The following POLR3A variants were observed in gnomAD, a reference collection of about 807,000 sequenced individuals.
The protein encoded by POLR3A is RNA polymerase III subunit A.
In POLR3A, 112 loss-of-function variants were observed where a neutral mutation model predicts 152.8. That is an observed-to-expected ratio of 0.73 (90% CI 0.63 to 0.86). The LOEUF (loss-of-function observed/expected upper bound fraction) is 0.86, where lower values mean the gene tolerates loss of function less well. POLR3A is among the 40% of genes least tolerant of loss of function. The pLI, the probability that POLR3A is intolerant of heterozygous loss-of-function variation, is 0.00. For synonymous variants in POLR3A, 615 were observed against 652.1 expected (o/e 0.94, Z 0.87); for missense variants, 1,385 against 1,743.1 (o/e 0.79, Z 3.66).
In POLR3A at chr10:78,017,616, G is replaced by A. The variant is rs771732436; in HGVS notation, c.1390C>T (p.Arg464Trp). The A allele has an allele frequency of 2.5e-6, 4 of 1,613,926 alleles. No homozygotes were observed. Among genetic ancestry groups the A allele is most frequent in the Admixed American group, 1.7e-5 (1 of 59,994 alleles). The change falls in exon 10 of 31, where the codon CGG (arginine) becomes TGG (tryptophan). Residue 464 changes from arginine (R) to tryptophan (W), a missense_variant. By Grantham distance (101) the Arg-to-Trp change is moderately radical (BLOSUM62 -3). Around this residue, in one of 7 missense-constraint regions of POLR3A, gnomAD observed 493 missense variants for 647.5 expected, o/e 0.76. Coordinates refer to ENST00000372371, the MANE Select transcript of POLR3A (RefSeq NM_007055.4). ...LIDGDVVLFN[R>W]QPSLHKLSIM... ...CTCAATTTGTGCAGCGAGGGCTGCC[G>A]ATTGAACAGCACCACATCTCCATCG... is the stretch of plus-strand genomic sequence containing the variant.
At chr10:77,979,758 C>T (rs765207647) in intron 30 of POLR3A, among the ~76,000 whole-genome samples, 2 of 152,214 alleles carry the variant, frequency 1.3e-5, no homozygotes, top group Admixed American at 6.5e-5. Context: ...CAGTAGGACA[C>T]TCTGCTCTGC....
intron 19 of POLR3A, among the ~76,000 whole-genome samples, chr10:77,997,576 T>C (rs1346791882): frequency 6.6e-6 from 1 of 151,940 alleles, no homozygotes; most frequent in African/African-American, 2.4e-5. Context: ...GAGAATAAAA[T>C]ACCTAGGAAT....
At chr10:78,022,529 G>T in intron 5 of POLR3A, 145 bp from the exon 6 acceptor site, 3 of 836,742 alleles carry the variant, frequency 3.6e-6, no homozygotes, top group Non-Finnish European at 3.8e-6. Flanking sequence ...ACGCTATGCT[G>T]CAAGAGCCTT....
chr10:77,997,710 G>A (rs1320356460), intron 19 of POLR3A, among the ~76,000 whole-genome samples: 2 of 151,986 alleles, frequency 1.3e-5, no homozygotes, highest in East Asian at 1.9e-4. Context: ...AATCAATATC[G>A]TGAAAATGGC....
At chr10:78,025,580 C>T in intron 3 of POLR3A, 42 bp downstream of exon 3, 1 of 1,610,114 alleles carries the variant, frequency 6.2e-7, no homozygotes, top group East Asian at 2.2e-5. Context: ...TGACCAATCA[C>T]TCCAGAATTT....
In POLR3A at chr10:78,025,608, A is replaced by G. The variant is rs753684410; in HGVS notation, c.318+14T>C. 8.1e-6 allele frequency: 13 copies of G among 1,613,890 alleles called. No individual in the cohort carries two copies. Among genetic ancestry groups the G allele is most frequent in the Non-Finnish European group, 1.1e-5 (13 of 1,179,804 alleles). On this transcript the variant is annotated intron_variant, in intron 3 of 30. Coordinates refer to ENST00000372371, the MANE Select transcript of POLR3A (RefSeq NM_007055.4). ...CAGAATTTATGTCTTGGAAATCAGC[A>G]CCTGTGTGCTTACCTGTAAGATGCC...
chr10:78,025,080 G>A lies in POLR3A; in HGVS notation c.381C>T (p.Asp127=), dbSNP rs1451789614. 1.2e-6 allele frequency: 2 copies of A among 1,614,148 alleles called. No individual in the cohort carries two copies. Among genetic ancestry groups the A allele is most frequent in the Non-Finnish European group, 8.5e-7 (1 of 1,179,988 alleles). Residue 127 remains aspartate, a synonymous_variant, in exon 4 of 31, where the codon GAC becomes GAT. Transcript: ENST00000372371. ...LSQEEKKQFL[D]YLKRPGLTYL... ...AGGTCAGGCCGGGCCTCTTTAGATA[G>A]TCCAGAAACTGCTTCTTCTCCTCTT... is the stretch of plus-strand genomic sequence containing the variant.
rs1486185588 is a variant in POLR3A at position 78,025,708 on chromosome 10, C to T, written c.232G>A (p.Asp78Asn). Residue 78 changes from aspartate (D) to asparagine (N), a missense_variant, in exon 3 of 31, where the codon GAC becomes AAC. Physicochemically the swap from Asp to Asn is conservative, Grantham distance 23. This residue lies in a region of POLR3A where 493 missense variants were observed against 647.5 expected (regional missense o/e 0.76). Coordinates refer to ENST00000372371, the MANE Select transcript of POLR3A (RefSeq NM_007055.4). ...PCETCGKNLADCLGHYGYIDL... is the reference protein window; with the variant it reads ...PCETCGKNLANCLGHYGYIDL... ...ATATACCCATAGTGGCCTAGACAGT[C>T]AGCCAAGTTTTTCCCACAGGTTTCA... is the stretch of plus-strand genomic sequence containing the variant. 2 of 1,614,058 alleles carry T rather than the reference C, an allele frequency of 1.2e-6. No homozygotes were observed. Among genetic ancestry groups the T allele is most frequent in the Admixed American group, 3.3e-5 (2 of 60,020 alleles).
At chr10:78,019,506 T>A (rs955075734) in intron 8 of POLR3A, 1 of 556,486 alleles carries the variant, frequency 1.8e-6, no homozygotes, top group African/African-American at 1.9e-5. Context: ...ATTCCTTTCC[T>A]GGTGCTTGGT....
chr10:78,022,277 A>T lies in POLR3A; in HGVS notation c.753T>A (p.Ile251=). Residue 251 remains isoleucine, a synonymous_variant, in exon 6 of 31, where the codon ATT becomes ATA. Coordinates refer to ENST00000372371, the MANE Select transcript of POLR3A (RefSeq NM_007055.4). The part of the protein sequence containing the change: ...NPEAGKPSDL[I]LTRLLVPPLC... ...AAGGAGGCACCAAAAGTCGTGTGAGAATCAAATCAGACGGCTTTCCGGCTT... is the reference window on the plus strand; with the variant it reads ...AAGGAGGCACCAAAAGTCGTGTGAGTATCAAATCAGACGGCTTTCCGGCTT... 6.2e-7 allele frequency: 1 copy of T among 1,614,230 alleles called. No individual in the cohort carries two copies. Among genetic ancestry groups the T allele is most frequent in the East Asian group, 2.2e-5 (1 of 44,884 alleles).
In POLR3A at chr10:77,984,389, T is replaced by A. The variant is rs577815333; in HGVS notation, c.3243-91A>T. ...TGTTAAACCCAAGTGCTATTTAGAA[T>A]CATAATGTTACTAGCAACCCCAGTT... On this transcript the variant is annotated intron_variant, in intron 24 of 30. Transcript: ENST00000372371. 1.7e-5 allele frequency: 14 copies of A among 803,454 alleles called. No individual in the cohort carries two copies. The African/African-American group carries it at 2.0e-4, about 12-fold the overall frequency. 49.8% of individuals were successfully genotyped at this position (803,454 alleles called of 1,614,324 possible). A position where few individuals can be genotyped will look rare whatever the true frequency, so the allele number is the denominator to read the frequency against.
At chr10:77,980,028 G>A (rs1328074107) in intron 30 of POLR3A, 113 bp downstream of exon 30, 3 of 985,062 alleles carry the variant, frequency 3.0e-6, no homozygotes, top group Admixed American at 3.4e-5. Context: ...CATTATTCTT[G>A]AAAAAATAAA....
At chr10:77,992,615 G>T (rs959051128) in intron 20 of POLR3A, among the ~76,000 whole-genome samples, 5 of 151,700 alleles carry the variant, frequency 3.3e-5, no homozygotes, top group East Asian at 1.9e-4. Context: ...GCTAATTTTT[G>T]TATCTTTAGT....
chr10:77,995,332 G>C (rs1299038799), intron 19 of POLR3A, among the ~76,000 whole-genome samples: 1 of 152,150 alleles, frequency 6.6e-6, no homozygotes, highest in Non-Finnish European at 1.5e-5. Context: ...AATGTAAATG[G>C]GCTAAATGCT....
At chr10:78,019,301 G>T in intron 8 of POLR3A, 36 bp from the exon 9 acceptor site, 1 of 1,299,640 alleles carries the variant, frequency 7.7e-7, no homozygotes, top group Non-Finnish European at 1.1e-6. Flanking sequence ...GTTACTCCCA[G>T]GTAACTAGAA....
At chr10:77,996,069 A>C (rs1157608966) in intron 19 of POLR3A, among the ~76,000 whole-genome samples, 5 of 152,108 alleles carry the variant, frequency 3.3e-5, no homozygotes, top group Admixed American at 6.6e-5. Context: ...CTACTGGGTA[A>C]ATAATGAAAT....
At chr10:78,012,867 G>A (rs190463531) in intron 11 of POLR3A, among the ~76,000 whole-genome samples, 22 of 152,224 alleles carry the variant, frequency 1.4e-4, no homozygotes, top group Admixed American at 1.4e-3. Flanking sequence ...GACTACAGGC[G>A]TGCGCCACCA....
intron 7 of POLR3A, 84 bp from the exon 8 acceptor site, chr10:78,021,766 C>T: frequency 1.2e-6 from 2 of 1,608,654 alleles, no homozygotes; most frequent in Admixed American, 3.3e-5. Context: ...CTGAGGAAAG[C>T]CTGTGACCTC....
In POLR3A at chr10:78,004,689, G is replaced by A. The variant is rs143228905; in HGVS notation, c.2247+27C>T. ...GTAGCCACTGTGCACGGCAAGTGGC[G>A]ACCCTGAACCAAAGGGCCGGGCTCA... On this transcript the variant is annotated intron_variant, in intron 16 of 30. Coordinates refer to ENST00000372371, the MANE Select transcript of POLR3A (RefSeq NM_007055.4). 19,500 of 1,594,376 alleles carry A rather than the reference G, an allele frequency of 0.012. 159 individuals carry two copies. The highest frequency in any genetic ancestry group is 0.014 in the Non-Finnish European group (16,267 of 1,167,180).
Sources: gnomAD v4.1 joint callset for allele counts (sites outside exome capture counted in the v4.1 genomes callset) on GRCh38, gnomAD v4.1.1 for gene constraint, gnomAD v4.1.1 regional missense constraint, MANE v1.5 for transcripts, NCBI Gene and HGNC (gene_info 2026-07-23, HGNC 2026-07-21) for gene names.